Variants in CAMK1D observed in about 807,000 individuals in gnomAD.
CAMK1D encodes calcium/calmodulin dependent protein kinase ID.
In CAMK1D, 9 loss-of-function variants were observed where a neutral mutation model predicts 47.7. The ratio of observed to expected loss-of-function variants is 0.19; its 90% confidence interval spans 0.11 to 0.33. CAMK1D has a LOEUF of 0.33. Among genes scored for constraint, CAMK1D ranks in the 10% least tolerant of loss-of-function variants. The pLI, the probability that CAMK1D is intolerant of heterozygous loss-of-function variation, is 1.00. For synonymous variants in CAMK1D, 184 were observed against 184.9 expected, an observed-to-expected ratio of 0.99 and a Z score of 0.04; for missense variants, 291 against 488.7, an observed-to-expected ratio of 0.60 and a Z score of 3.81.
intron 1 of CAMK1D, among the ~76,000 whole-genome samples, chr10:12,502,788 G>A (rs549201639): frequency 5.9e-5 from 9 of 152,322 alleles, no homozygotes; most frequent in South Asian, 2.1e-4. Context: ...TGTAGGACCC[G>A]GTGCCTGGCT....
At chr10:12,575,417 A>G (rs983494608) in intron 2 of CAMK1D, among the ~76,000 whole-genome samples, 21 of 152,120 alleles carry the variant, frequency 1.4e-4, no homozygotes, top group Non-Finnish European at 2.6e-4. Context: ...AGCTGGGGAC[A>G]TTTAAAACAA....
chr10:12,786,926 C>A (rs779260041), intron 5 of CAMK1D, among the ~76,000 whole-genome samples: 13 of 152,180 alleles, frequency 8.5e-5, no homozygotes, highest in Admixed American at 2.0e-4. Flanking sequence ...AGTTAGAGAC[C>A]AGCTTGGCCA....
chr10:12,609,212 C>A (rs930988518), intron 2 of CAMK1D, among the ~76,000 whole-genome samples: 4 of 152,072 alleles, frequency 2.6e-5, no homozygotes, highest in Non-Finnish European at 5.9e-5. Context: ...CATTCAGTGA[C>A]CAAAGAGAGC....
At chr10:12,741,718 G>A (rs989138343) in intron 3 of CAMK1D, among the ~76,000 whole-genome samples, 3 of 152,130 alleles carry the variant, frequency 2.0e-5, no homozygotes, top group Admixed American at 2.0e-4. Context: ...GAGTCCCCAG[G>A]ATACGCATCT....
chr10:12,807,389 C>T (rs569144547), intron 6 of CAMK1D, among the ~76,000 whole-genome samples: 1 of 152,200 alleles, frequency 6.6e-6, no homozygotes, highest in South Asian at 2.1e-4. Flanking sequence ...GAGTGGAGAT[C>T]TCTCCTCCCG....
At chr10:12,675,832 T>C (rs1358965548) in intron 3 of CAMK1D, among the ~76,000 whole-genome samples, 1 of 152,256 alleles carries the variant, frequency 6.6e-6, no homozygotes, top group Non-Finnish European at 1.5e-5. Flanking sequence ...TTCGTTCAGC[T>C]GCAGCCTGTC....
At chr10:12,434,311 A>G (rs1832568115) in intron 1 of CAMK1D, among the ~76,000 whole-genome samples, 1 of 152,226 alleles carries the variant, frequency 6.6e-6, no homozygotes. Context: ...TTGTGACCCC[A>G]GGTAAGCCAT....
intron 1 of CAMK1D, among the ~76,000 whole-genome samples, chr10:12,382,252 A>G (rs2131875201): frequency 6.6e-6 from 1 of 152,272 alleles, no homozygotes; most frequent in African/African-American, 2.4e-5. Flanking sequence ...ACCATGTTGT[A>G]GAATGTGTGC....
chr10:12,725,823 C>G (rs1834601317), intron 3 of CAMK1D, among the ~76,000 whole-genome samples: 1 of 152,270 alleles, frequency 6.6e-6, no homozygotes, highest in Middle Eastern at 3.4e-3. Flanking sequence ...GTGGCATGAT[C>G]TCGGCTCACA....
At chr10:12,452,778 G>A (rs1239755992) in intron 1 of CAMK1D, among the ~76,000 whole-genome samples, 1 of 151,952 alleles carries the variant, frequency 6.6e-6, no homozygotes, top group African/African-American at 2.4e-5. Context: ...TATAGACGGG[G>A]TTTCACCATA....
At chr10:12,717,908 GAAAA>G (rs893048719) in intron 3 of CAMK1D, among the ~76,000 whole-genome samples, 1 of 129,990 alleles carries the variant, frequency 7.7e-6, no homozygotes, top group Non-Finnish European at 1.7e-5. Context: ...AAAAAAAAAA[GAAAA>G]AAAAAAGATG....
intron 2 of CAMK1D, among the ~76,000 whole-genome samples, chr10:12,580,636 G>A (rs949603763): frequency 6.6e-6 from 1 of 152,152 alleles, no homozygotes; most frequent in Non-Finnish European, 1.5e-5. Flanking sequence ...CCACTAGAAA[G>A]AGAAAAACAG....
intron 1 of CAMK1D, among the ~76,000 whole-genome samples, chr10:12,409,367 C>A (rs182281826): frequency 1.3e-5 from 2 of 152,108 alleles, no homozygotes; most frequent in East Asian, 1.9e-4. Context: ...ATTGTGATAA[C>A]GGCTGTGATA....
At chr10:12,612,724 T>C (rs1351006349) in intron 2 of CAMK1D, among the ~76,000 whole-genome samples, 1 of 152,156 alleles carries the variant, frequency 6.6e-6, no homozygotes, top group Non-Finnish European at 1.5e-5. Context: ...TTTGAGCAGG[T>C]GTGTCATCAT....
chr10:12,647,207 G>A (rs1331030169), intron 2 of CAMK1D, among the ~76,000 whole-genome samples: 1 of 137,454 alleles, frequency 7.3e-6, no homozygotes, highest in Non-Finnish European at 1.5e-5. Flanking sequence ...CTGGAGTGCA[G>A]TGACGCGATC....
chr10:12,415,851 G>T (rs1839829731), intron 1 of CAMK1D: 1 of 150,808 alleles, frequency 6.6e-6, no homozygotes, highest in Non-Finnish European at 1.5e-5. Context: ...TGTTGTCCAG[G>T]CTAGAGTGCG....
At chr10:12,629,603 C>G (rs1839319581) in intron 2 of CAMK1D, among the ~76,000 whole-genome samples, 1 of 152,180 alleles carries the variant, frequency 6.6e-6, no homozygotes, top group Non-Finnish European at 1.5e-5. Context: ...TCATCGCAGA[C>G]AAGGACGTGT....
chr10:12,632,494 G>C (rs923186583), intron 2 of CAMK1D, among the ~76,000 whole-genome samples: 1 of 152,216 alleles, frequency 6.6e-6, no homozygotes, highest in Admixed American at 6.5e-5. Flanking sequence ...ATTATATTCT[G>C]ATGGCAGAAT....
intron 3 of CAMK1D, among the ~76,000 whole-genome samples, chr10:12,751,106 GATAAGATAAGATAAGATAAGA>G (rs1835951439): frequency 1.1e-5 from 1 of 90,498 alleles, no homozygotes; most frequent in African/African-American, 4.3e-5. Flanking sequence ...GATAAGATAA[GATAAGATAAGATAAGATAAGA>G]AGGCTTCAGA....
Sources: allele counts gnomAD v4.1 joint callset (sites outside exome capture counted in the v4.1 genomes callset), GRCh38; gene constraint gnomAD v4.1.1; transcripts MANE v1.5; gene names NCBI Gene and HGNC (gene_info 2026-07-23, HGNC 2026-07-21).